NARS1: variants seen among roughly 807,000 people sequenced by gnomAD.
The protein encoded by NARS1 is asparagine--tRNA ligase, cytoplasmic.
In NARS1, 65 loss-of-function variants were observed where a neutral mutation model predicts 79.2. The observed-to-expected ratio is 0.82, with a 90% CI of 0.67 to 1.01. The LOEUF is 1.01. NARS1 is among the 50% of genes least tolerant of loss of function. The pLI, the probability that NARS1 is intolerant of heterozygous loss-of-function variation, is 0.00. For synonymous variants in NARS1, 229 were observed against 238.8 expected (o/e 0.96, Z 0.38); for missense variants, 649 against 673.8 (o/e 0.96, Z 0.41).
In NARS1 at chr18:57,606,713, A is replaced by G. The variant is rs1226570982; in HGVS notation, c.1040T>C (p.Phe347Ser). The change falls in exon 10 of 14, where the codon TTT becomes TCT. Residue 347 changes from phenylalanine to serine, a missense_variant. Phe to Ser is a radical substitution (Grantham distance 155, BLOSUM62 -2). Transcript: ENST00000256854. ...HVEAECPFLT[F>S]DDLLNRLEDL... Reference sequence around the variant, plus strand: ...CTCCAACCGGTTCAGGAGGTCGTCAAAAGTCAGGAAAGGACACTCAGCTTC... The same window carrying G: ...CTCCAACCGGTTCAGGAGGTCGTCAGAAGTCAGGAAAGGACACTCAGCTTC... The G allele has an allele frequency of 2.5e-6, 4 of 1,614,218 alleles. No individual in the cohort carries two copies. Among genetic ancestry groups the G allele is most frequent in the Non-Finnish European group, 3.4e-6 (4 of 1,180,040 alleles).
chr18:57,605,898 C>G lies in NARS1; in HGVS notation c.1210G>C (p.Asp404His), dbSNP rs143179857. 7 of 1,612,788 alleles carry G rather than the reference C, an allele frequency of 4.3e-6. No homozygotes were observed. Among genetic ancestry groups the G allele is most frequent in the African/African-American group, 4.0e-5 (3 of 74,902 alleles). ...AAAGTTCCATCTTCTTTCTTTACAT[C>G]ATGTTCTTTTAGCCAAACGATAGCA... ...SDAIVWLKEH[D>H]VKKEDGTFYE... The change falls in exon 11 of 14, where the codon GAT becomes CAT. Residue 404 changes from aspartate (D) to histidine (H), a missense_variant. By Grantham distance (81) the Asp-to-His change is moderately conservative. Coordinates refer to ENST00000256854, the MANE Select transcript of NARS1 (RefSeq NM_004539.4).
chr18:57,619,318 T>C (rs1908194638), intron 2 of NARS1, among the ~76,000 whole-genome samples: 1 of 148,170 alleles, frequency 6.7e-6, no homozygotes, highest in Admixed American at 6.9e-5. Context: ...GGCTCACTCC[T>C]ATAAACCCAG....
chr18:57,609,201 C>G (rs2051585236), intron 7 of NARS1, among the ~76,000 whole-genome samples, 156 bp downstream of exon 7: 1 of 152,190 alleles, frequency 6.6e-6, no homozygotes. Context: ...TGAGCCAATT[C>G]TCCTTAAAAA....
At chr18:57,608,906 G>A (rs575402500) in intron 7 of NARS1, among the ~76,000 whole-genome samples, 49 of 152,278 alleles carry the variant, frequency 3.2e-4, no homozygotes, top group African/African-American at 1.1e-3. Flanking sequence ...AAAAGCAAGA[G>A]GAAGAAGGTG....
intron 11 of NARS1, 70 bp from the exon 12 acceptor site, chr18:57,603,013 C>T (rs1391200297): frequency 7.3e-6 from 11 of 1,505,552 alleles, no homozygotes; most frequent in African/African-American, 1.4e-5. Context: ...GCTCCTTCAC[C>T]CTGTACCAGT....
In NARS1 at chr18:57,601,797, GAA is replaced by G; in HGVS notation, c.1516-16_1516-15del. ...ACCGTATTTTCTCTGTTTAAAAAAA[GAA>G]AGAAAGAAAGAGGAGTAAATACTTA... On this transcript the variant is annotated splice_polypyrimidine_tract_variant and intron_variant, in intron 13 of 13. Coordinates refer to ENST00000256854, the MANE Select transcript of NARS1 (RefSeq NM_004539.4). 2.5e-6 allele frequency: 4 copies of G among 1,575,814 alleles called. No individual in the cohort carries two copies. Among genetic ancestry groups the G allele is most frequent in the Non-Finnish European group, 3.5e-6 (4 of 1,153,408 alleles).
intron 13 of NARS1, 75 bp from the exon 14 acceptor site, chr18:57,601,858 T>C (rs1423036725): frequency 2.0e-6 from 3 of 1,525,134 alleles, no homozygotes; most frequent in Admixed American, 3.4e-5. Context: ...GTTAAAATTT[T>C]CCACCATGAA....
chr18:57,609,053 G>A (rs1216424362), intron 7 of NARS1, among the ~76,000 whole-genome samples: 3 of 152,150 alleles, frequency 2.0e-5, no homozygotes, highest in Non-Finnish European at 1.5e-5. Context: ...GGGGCTCCTG[G>A]GCCTTTGGCC....
chr18:57,616,948 CAAAAAAAAAA>C (rs59363506), intron 2 of NARS1, among the ~76,000 whole-genome samples: 7 of 72,786 alleles, frequency 9.6e-5, no homozygotes, highest in Admixed American at 3.5e-4. Context: ...GACTCTGTCT[CAAAAAAAAAA>C]AAAAAAAAAA....
chr18:57,606,064 T>G, intron 10 of NARS1, 94 bp from the exon 11 acceptor site: 1 of 798,176 alleles, frequency 1.3e-6, no homozygotes, highest in Non-Finnish European at 1.9e-6. Context: ...AAAGTATTAC[T>G]TCAGTGAGGT....
At position 57,601,659 on chromosome 18, in the gene NARS1, G is replaced by A. The variant is rs764413867; in HGVS notation, c.1640C>T (p.Thr547Met). 6.4e-5 allele frequency: 104 copies of A among 1,613,600 alleles called. No homozygotes were observed. Among genetic ancestry groups the A allele is most frequent in the Non-Finnish European group, 8.2e-5 (97 of 1,179,706 alleles). Residue 547 changes from threonine (T) to methionine (M), a missense_variant, in exon 14 of 14, where the codon ACG (threonine) becomes ATG (methionine). Coordinates refer to ENST00000256854, the MANE Select transcript of NARS1 (RefSeq NM_004539.4). The part of the protein sequence containing the change: ...CLYPRFVQRC[T>M]P ...CGCTTCTGGAGAAAATGGTTATGGC[G>A]TGCAACGCTGGACAAATCGAGGGTA...
chr18:57,611,483 T>C (rs1466423015), intron 6 of NARS1, among the ~76,000 whole-genome samples, 154 bp downstream of exon 6: 1 of 152,144 alleles, frequency 6.6e-6, no homozygotes, highest in Non-Finnish European at 1.5e-5. Flanking sequence ...AATAAACAAA[T>C]AAAAATTGCA....
chr18:57,621,773 T>C lies in NARS1; in HGVS notation c.-56A>G, dbSNP rs913295490. 6.2e-7 allele frequency: 1 copy of C among 1,613,088 alleles called. No homozygotes were observed. Among genetic ancestry groups the C allele is most frequent in the African/African-American group, 1.3e-5 (1 of 74,890 alleles). On this transcript the variant is annotated 5_prime_UTR_variant, in exon 1 of 14. The change abolishes the stop of an existing upstream ORF in the 5' untranslated region. Coordinates refer to ENST00000256854, the MANE Select transcript of NARS1 (RefSeq NM_004539.4). ...CACAGACTGCAACACCGACGCCGTC[T>C]TATGACTCCAACGTGCACCGGCGGT...
At chr18:57,612,857 G>C (rs936464233) in intron 5 of NARS1, among the ~76,000 whole-genome samples, 1 of 152,070 alleles carries the variant, frequency 6.6e-6, no homozygotes, top group Admixed American at 6.6e-5. Context: ...AGAACCAAGG[G>C]AGAATGCAAA....
At chr18:57,613,173 G>A (rs1461651237) in intron 5 of NARS1, among the ~76,000 whole-genome samples, 1 of 151,274 alleles carries the variant, frequency 6.6e-6, no homozygotes, top group Non-Finnish European at 1.5e-5. Flanking sequence ...ATGGCTGGGG[G>A]GAGTTCAAGT....
At chr18:57,608,437 C>CAAAAAAAAAAAAAAAAAA (rs1175712420) in intron 7 of NARS1, among the ~76,000 whole-genome samples, 1 of 78,276 alleles carries the variant, frequency 1.3e-5, no homozygotes, top group African/African-American at 5.3e-5. Context: ...AACTCCGTCT[C>CAAAAAAAAAAAAAAAAAA]AAAAAAAAAA....
At chr18:57,609,252 T>C (rs888357969) in intron 7 of NARS1, 105 bp downstream of exon 7, 2 of 875,190 alleles carry the variant, frequency 2.3e-6, no homozygotes, top group Non-Finnish European at 3.7e-6. Flanking sequence ...GTTCTGTCCC[T>C]CTGAAGAACC....
At chr18:57,605,121 G>C (rs1196459601) in intron 11 of NARS1, among the ~76,000 whole-genome samples, 1 of 125,462 alleles carries the variant, frequency 8.0e-6, no homozygotes, top group African/African-American at 3.2e-5. Flanking sequence ...ACATTCTCCA[G>C]AAAAAAAAAA....
At chr18:57,613,563 A>C in intron 5 of NARS1, 39 bp downstream of exon 5, 1 of 1,532,460 alleles carries the variant, frequency 6.5e-7, no homozygotes, top group Non-Finnish European at 9.0e-7. Flanking sequence ...GAGCAGGGAT[A>C]TTTAAACATT....
Sources: allele counts gnomAD v4.1 joint callset (sites outside exome capture counted in the v4.1 genomes callset), GRCh38; gene constraint gnomAD v4.1.1; transcripts MANE v1.5; gene names NCBI Gene and HGNC (gene_info 2026-07-23, HGNC 2026-07-21).